The following WRN variants were observed in gnomAD, a reference collection of about 807,000 sequenced individuals.
The protein encoded by WRN is bifunctional 3'-5' exonuclease/ATP-dependent helicase WRN.
WRN carries 149 observed loss-of-function variants against 180.7 expected under a neutral mutation model. The observed-to-expected ratio is 0.82, with a 90% CI of 0.72 to 0.94. The LOEUF is 0.94. Ranked by LOEUF, WRN falls within the 40% of genes least tolerant of loss-of-function variation. The probability of loss-of-function intolerance (pLI) is 0.00; values close to 1 mark genes in which losing one functional copy is unlikely to be tolerated. For synonymous variants in WRN, 548 were observed against 568.9 expected, an observed-to-expected ratio of 0.96 and a Z score of 0.52; for missense variants, 1,661 against 1,700.1, an observed-to-expected ratio of 0.98 and a Z score of 0.40.
chr8:31,099,417 A>AGGAAGGAAGGAAGG (rs748492501), intron 17 of WRN, among the ~76,000 whole-genome samples: 1 of 151,848 alleles, frequency 6.6e-6, no homozygotes, highest in African/African-American at 2.4e-5. Context: ...GAAGGAAGGA[A>AGGAAGGAAGGAAGG]AAATCAGTCA....
chr8:31,141,588 C>G lies in WRN; in HGVS notation c.3126C>G (p.Ala1042=), dbSNP rs2130416206. 6.2e-7 allele frequency: 1 copy of G among 1,613,914 alleles called. No individual in the cohort carries two copies. Among genetic ancestry groups the G allele is most frequent in the Non-Finnish European group, 8.5e-7 (1 of 1,179,964 alleles). Residue 1042 remains alanine (A), a synonymous_variant, in exon 25 of 35, where the codon GCC becomes GCG. Transcript: ENST00000298139. ...SRYNKFMKIC[A]LTKKGRNWLH... is the part of the protein sequence containing the mutation. ...ATAACAAATTTATGAAGATTTGCGC[C>G]CTTACGAAAAAGGTAAACGGTGTAG...
intron 19 of WRN, among the ~76,000 whole-genome samples, chr8:31,112,996 A>T (rs1000871153): frequency 2.0e-5 from 3 of 151,662 alleles, no homozygotes; most frequent in Admixed American, 6.6e-5. Flanking sequence ...ACTTGAGGCC[A>T]GGAGTTCGAG....
intron 13 of WRN, among the ~76,000 whole-genome samples, chr8:31,089,969 A>C (rs1813679402): frequency 6.6e-6 from 1 of 151,964 alleles, no homozygotes; most frequent in African/African-American, 2.4e-5. Context: ...TAACGAGTTA[A>C]ATATTTACTT....
intron 21 of WRN, 67 bp from the exon 22 acceptor site, chr8:31,124,454 AG>A (rs1183857350): frequency 1.4e-3 from 1,581 of 1,155,098 alleles, no homozygotes; most frequent in Non-Finnish European, 1.6e-3. Flanking sequence ...GTAAAAAATA[AG>A]TAAAAAAAAA....
At chr8:31,165,128 G>A (rs748743658) in intron 33 of WRN, among the ~76,000 whole-genome samples, 1 of 151,982 alleles carries the variant, frequency 6.6e-6, no homozygotes. Flanking sequence ...TAGAAATAAA[G>A]TGATTCAAAA....
intron 23 of WRN, among the ~76,000 whole-genome samples, chr8:31,131,300 T>G (rs1802161572): frequency 6.6e-6 from 1 of 151,984 alleles, no homozygotes; most frequent in African/African-American, 2.4e-5. Context: ...GGATTACAGG[T>G]GCATGCCACC....
At position 31,116,298 on chromosome 8, in the gene WRN, G is replaced by A. The variant is rs547219803; in HGVS notation, c.2274-56G>A. On this transcript the variant is annotated intron_variant, in intron 19 of 34. Coordinates refer to ENST00000298139, the MANE Select transcript of WRN (RefSeq NM_000553.6). ...AATTAAATAAGATAAAACCAAACGG[G>A]TCTGAAGCATGTATAAAGTATATAT... The A allele has an allele frequency of 2.5e-5, 40 of 1,581,928 alleles. No individual in the cohort carries two copies. The African/African-American group carries it at 4.0e-4, about 16-fold the overall frequency.
At chr8:31,081,366 A>G in intron 9 of WRN, 70 bp downstream of exon 9, 1 of 1,511,166 alleles carries the variant, frequency 6.6e-7, no homozygotes, top group South Asian at 1.2e-5. Context: ...CCGTAAAGAG[A>G]CAGATAGTAA....
intron 34 of WRN, among the ~76,000 whole-genome samples, chr8:31,168,998 A>T (rs1001618037): frequency 2.0e-5 from 3 of 151,976 alleles, no homozygotes; most frequent in Non-Finnish European, 4.4e-5. Flanking sequence ...GTATTCTTTT[A>T]TTTCTGGAAA....
At position 31,100,953 on chromosome 8, in the gene WRN, A is replaced by G. The variant is rs756149876; in HGVS notation, c.2086A>G (p.Met696Val). The change falls in exon 18 of 35, where the codon ATG becomes GTG. Residue 696 changes from methionine (M) to valine (V), a missense_variant and splice_region_variant. Physicochemically the swap from Met to Val is conservative, Grantham distance 21. Around this residue, in one of 3 missense-constraint regions of WRN, gnomAD observed 1,141 missense variants for 1,149.4 expected, o/e 0.99. Coordinates refer to ENST00000298139, the MANE Select transcript of WRN (RefSeq NM_000553.6). ...GGGCTCCCTAAAGACAGCACTGCCAATGGTAAGCTTTGCCAAGTCTGATGT... is the reference window on the plus strand; with the variant it reads ...GGGCTCCCTAAAGACAGCACTGCCAGTGGTAAGCTTTGCCAAGTCTGATGT... ...KLGSLKTALP[M>V]VPIVALTATA... 4.3e-6 allele frequency: 7 copies of G among 1,613,402 alleles called. No homozygotes were observed. Among genetic ancestry groups the G allele is most frequent in the Non-Finnish European group, 5.1e-6 (6 of 1,179,550 alleles).
chr8:31,055,759 T>C (rs1453763747), intron 1 of WRN, among the ~76,000 whole-genome samples: 1 of 152,202 alleles, frequency 6.6e-6, no homozygotes, highest in Non-Finnish European at 1.5e-5. Context: ...AAGACATGAT[T>C]TTAGAAAAAG....
chr8:31,079,939 G>A (rs1379736241), intron 8 of WRN, among the ~76,000 whole-genome samples: 2 of 151,836 alleles, frequency 1.3e-5, no homozygotes, highest in Non-Finnish European at 2.9e-5. Flanking sequence ...GCAATGGCAC[G>A]ATCTCAGCTC....
chr8:31,067,281 C>G, intron 6 of WRN, 99 bp downstream of exon 6: 1 of 1,348,848 alleles, frequency 7.4e-7, no homozygotes, highest in Non-Finnish European at 1.0e-6. Context: ...AGAAACTCTA[C>G]CAAAATATTT....
chr8:31,147,226 T>C lies in WRN; in HGVS notation c.3459+98T>C, dbSNP rs972182726. The stretch of plus-strand genomic sequence containing the variant: ...ATTTTGCCAGCATTTTAAAAATTGT[T>C]CTTAAGCTAAGAGTCTGAGTTTATA... On this transcript the variant is annotated intron_variant, in intron 29 of 34. Coordinates refer to ENST00000298139, the MANE Select transcript of WRN (RefSeq NM_000553.6). The C allele has an allele frequency of 2.8e-5, 42 of 1,500,214 alleles. No individual in the cohort carries two copies. The South Asian group carries it at 4.8e-4, about 17-fold the overall frequency. 92.9% of individuals were successfully genotyped at this position (1,500,214 alleles called of 1,614,324 possible).
At position 31,137,749 on chromosome 8, in the gene WRN, A is replaced by G. The variant is rs149629188; in HGVS notation, c.2968-3681A>G. ...GGTAATGTAGCTTAAGAGCCCCCAC[A>G]TGTATGTATATTGGGTGTGTGTGTG... On this transcript the variant is annotated intron_variant, in intron 24 of 34. Coordinates refer to ENST00000298139, the MANE Select transcript of WRN (RefSeq NM_000553.6). Among the ~76,000 whole-genome samples, 380 of 152,104 alleles carry G rather than the reference A, an allele frequency of 2.5e-3. 3 individuals carry two copies. Among genetic ancestry groups the G allele is most frequent in the African/African-American group, 7.9e-3 (326 of 41,492 alleles).
chr8:31,168,591 T>C (rs1256894358), intron 34 of WRN, among the ~76,000 whole-genome samples: 3 of 151,832 alleles, frequency 2.0e-5, no homozygotes, highest in Non-Finnish European at 4.4e-5. Context: ...TGGCCCCTTT[T>C]CCCCATTTAG....
At chr8:31,159,904 CACTG>C (rs781394695) in intron 33 of WRN, among the ~76,000 whole-genome samples, 1 of 146,212 alleles carries the variant, frequency 6.8e-6, no homozygotes. Context: ...GAGATCATGC[CACTG>C]CACTTCAGCC....
intron 1 of WRN, among the ~76,000 whole-genome samples, chr8:31,049,315 T>C (rs573747517): frequency 6.6e-6 from 1 of 150,824 alleles, no homozygotes; most frequent in Non-Finnish European, 1.5e-5. Flanking sequence ...GAGGATTGCT[T>C]GAGGCCAGGA....
At chr8:31,146,130 C>T (rs1328079308) in intron 28 of WRN, among the ~76,000 whole-genome samples, 1 of 151,782 alleles carries the variant, frequency 6.6e-6, no homozygotes, top group Non-Finnish European at 1.5e-5. Flanking sequence ...ATTTCCCTGG[C>T]GTGTGCCTTC....
Sources: allele counts gnomAD v4.1 joint callset (sites outside exome capture counted in the v4.1 genomes callset), GRCh38; gene constraint gnomAD v4.1.1; regional missense constraint gnomAD v4.1.1; transcripts MANE v1.5; gene names NCBI Gene and HGNC (gene_info 2026-07-23, HGNC 2026-07-21).